The following PRMT8 variants were observed in gnomAD, a reference collection of about 807,000 sequenced individuals.
PRMT8 encodes protein arginine methyltransferase 8.
Under a neutral mutation model 47.1 loss-of-function variants are expected in PRMT8, and 7 were observed. That is an observed-to-expected ratio of 0.15 (90% CI 0.08 to 0.28). The LOEUF is 0.28. PRMT8 is among the 10% of genes least tolerant of loss of function. PRMT8 has a pLI of 1.00. For synonymous variants in PRMT8, 188 were observed against 186.5 expected (o/e 1.01, Z -0.07); for missense variants, 237 against 505.4 (o/e 0.47, Z 5.09).
At chr12:3,519,342 A>C (rs1443998981) in intron 1 of PRMT8, among the ~76,000 whole-genome samples, 1 of 152,210 alleles carries the variant, frequency 6.6e-6, no homozygotes, top group Non-Finnish European at 1.5e-5. Context: ...AAAGGAAGAA[A>C]GAGTACAAGA....
intron 8 of PRMT8, among the ~76,000 whole-genome samples, chr12:3,587,593 G>A (rs558462318): frequency 3.9e-5 from 6 of 152,086 alleles, no homozygotes; most frequent in East Asian, 3.9e-4. Context: ...CCCACCTCCC[G>A]TATCGCCTCC....
chr12:3,434,060 G>A (rs574136135), intron 1 of PRMT8, among the ~76,000 whole-genome samples: 1 of 152,328 alleles, frequency 6.6e-6, no homozygotes, highest in Non-Finnish European at 1.5e-5. Context: ...GGAGCAGGAA[G>A]GGAGAATGAA....
intron 8 of PRMT8, among the ~76,000 whole-genome samples, chr12:3,585,345 CTTTTTTT>C (rs71061123): frequency 7.0e-4 from 32 of 45,788 alleles, no homozygotes; most frequent in African/African-American, 2.6e-3. Context: ...GAAAATGATG[CTTTTTTT>C]TTTTTTTTTT....
At chr12:3,444,999 G>C (rs577264742) in intron 1 of PRMT8, among the ~76,000 whole-genome samples, 89 of 152,294 alleles carry the variant, frequency 5.8e-4, no homozygotes, top group Admixed American at 2.4e-3. Flanking sequence ...GGGAAGGGAG[G>C]GCTTTGTGCC....
At chr12:3,577,834 C>T (rs1056035966) in intron 7 of PRMT8, among the ~76,000 whole-genome samples, 2 of 152,156 alleles carry the variant, frequency 1.3e-5, no homozygotes, top group East Asian at 1.9e-4. Flanking sequence ...AGATGAAGAA[C>T]AGCTGCTCAG....
chr12:3,496,214 A>ATATATATATATATTT, intron 1 of PRMT8, among the ~76,000 whole-genome samples: 5 of 27,764 alleles, frequency 1.8e-4, no homozygotes, highest in Non-Finnish European at 2.4e-4. Context: ...ATATATATAT[A>ATATATATATATATTT]TTTTTTTTTT....
Position 3,570,756 on chromosome 12 carries a change from C to T in PRMT8, c.712+1192C>T, listed in dbSNP as rs1271797194. ...AAACTCAAAGTGTGAAGTTCAGAGC[C>T]AGGTTCAGAAGAAGACAAAAGTGGG... On this transcript the variant is annotated intron_variant, in intron 6 of 9. Coordinates refer to ENST00000382622, the MANE Select transcript of PRMT8 (RefSeq NM_019854.5). This position sits in a 1 kb window ranked among gnomAD's most constrained non-coding sequence, Gnocchi z 5.5. 1.3e-5 allele frequency among the ~76,000 whole-genome samples: 2 copies of T among 152,186 alleles called. No individual in the cohort carries two copies. Among genetic ancestry groups the T allele is most frequent in the Admixed American group, 6.5e-5 (1 of 15,288 alleles).
chr12:3,381,483 C>T (rs1232715420), intron 1 of PRMT8: 4 of 1,530,200 alleles, frequency 2.6e-6, no homozygotes, highest in African/African-American at 2.7e-5. Flanking sequence ...TTTCTTCTTC[C>T]TGCAAGTGAA....
rs1865461867 is a variant in PRMT8, at chr12:3,493,726, G to A, written c.75+2026G>A. Among the ~76,000 whole-genome samples the A allele has an allele frequency of 6.6e-6, 1 of 152,256 alleles. No homozygotes were observed. Among genetic ancestry groups the A allele is most frequent in the African/African-American group, 2.4e-5 (1 of 41,480 alleles). On this transcript the variant is annotated intron_variant, in intron 1 of 9. Coordinates refer to ENST00000382622, the MANE Select transcript of PRMT8 (RefSeq NM_019854.5). This position sits in a 1 kb window ranked among gnomAD's most constrained non-coding sequence, Gnocchi z 8.2. Reference sequence around the variant, plus strand: ...CTCCCCCTTCTCAGCAGTTGCACATGCCAGCTCTGCTGAAGGCATCAATGA... The same window carrying A: ...CTCCCCCTTCTCAGCAGTTGCACATACCAGCTCTGCTGAAGGCATCAATGA...
chr12:3,397,062 A>T (rs1387706946), intron 1 of PRMT8, among the ~76,000 whole-genome samples: 1 of 151,596 alleles, frequency 6.6e-6, no homozygotes, highest in Non-Finnish European at 1.5e-5. Context: ...TTTCAGCTCC[A>T]TCAGCTCCTT....
At chr12:3,575,453 C>G (rs1408636212) in intron 6 of PRMT8, among the ~76,000 whole-genome samples, 1 of 152,220 alleles carries the variant, frequency 6.6e-6, no homozygotes, top group Non-Finnish European at 1.5e-5. Context: ...TCTGCTAAAG[C>G]TGTCCTCTCT....
chr12:3,495,385 C>T (rs1387190564), intron 1 of PRMT8, among the ~76,000 whole-genome samples: 3 of 152,316 alleles, frequency 2.0e-5, no homozygotes, highest in Admixed American at 2.0e-4. Context: ...TTGGAAAAGA[C>T]CTCCGACTGC....
At chr12:3,438,571 AG>A (rs1864768975) in intron 1 of PRMT8, among the ~76,000 whole-genome samples, 1 of 152,168 alleles carries the variant, frequency 6.6e-6, no homozygotes, top group African/African-American at 2.4e-5. Context: ...TTCTCCCACG[AG>A]GCCTCAGAGC....
At chr12:3,532,056 C>A (rs1203289965) in intron 1 of PRMT8, among the ~76,000 whole-genome samples, 1 of 152,124 alleles carries the variant, frequency 6.6e-6, no homozygotes, top group Non-Finnish European at 1.5e-5. Flanking sequence ...TTTCATTGGT[C>A]TGCGGTGGGC....
intron 1 of PRMT8, among the ~76,000 whole-genome samples, chr12:3,396,177 T>C (rs1238312642): frequency 2.0e-5 from 3 of 152,196 alleles, no homozygotes; most frequent in South Asian, 2.1e-4. Context: ...ATTTGCCAGT[T>C]TGTGTCTTTT....
intron 1 of PRMT8, among the ~76,000 whole-genome samples, chr12:3,414,232 G>A (rs1277966708): frequency 6.6e-6 from 1 of 152,204 alleles, no homozygotes; most frequent in East Asian, 1.9e-4. Context: ...GGAGAAAAAG[G>A]TGATAATATG....
chr12:3,545,649 C>T (rs563435147), intron 2 of PRMT8, among the ~76,000 whole-genome samples: 2 of 152,298 alleles, frequency 1.3e-5, no homozygotes, highest in South Asian at 4.1e-4. Flanking sequence ...GTAGCACCAC[C>T]TGGCTGAGGT....
intron 1 of PRMT8, among the ~76,000 whole-genome samples, chr12:3,443,361 G>A (rs887392702): frequency 6.6e-6 from 1 of 152,094 alleles, no homozygotes; most frequent in African/African-American, 2.4e-5. Flanking sequence ...AACCGGCTTT[G>A]TCTCTCCCCT....
rs1866821488 is a variant in PRMT8 at position 3,570,248 on chromosome 12, GTC to G, written c.712+686_712+687del. Among the ~76,000 whole-genome samples, 1 of 152,124 alleles carries G rather than the reference GTC, an allele frequency of 6.6e-6. No homozygotes were observed. Among genetic ancestry groups the G allele is most frequent in the Non-Finnish European group, 1.5e-5 (1 of 68,024 alleles). On this transcript the variant is annotated intron_variant, in intron 6 of 9. Coordinates refer to ENST00000382622, the MANE Select transcript of PRMT8 (RefSeq NM_019854.5). The surrounding 1 kb of genome is among the most constrained non-coding windows in gnomAD (Gnocchi z 5.5). ...CTCCTCCCCCGCAATGTTTTACCTG[GTC>G]TGAAAAGGGCTGTTATCCTATTTCT... is the stretch of plus-strand genomic sequence containing the variant.
Sources: gnomAD v4.1 joint callset for allele counts (sites outside exome capture counted in the v4.1 genomes callset) on GRCh38, gnomAD v4.1.1 for gene constraint, Gnocchi (gnomAD v3.1) non-coding constraint, MANE v1.5 for transcripts, NCBI Gene and HGNC (gene_info 2026-07-23, HGNC 2026-07-21) for gene names.